GSK3B: variants seen among roughly 807,000 people sequenced by gnomAD.
The protein encoded by GSK3B is glycogen synthase kinase-3 beta.
Under a neutral mutation model 56.4 loss-of-function variants are expected in GSK3B, and 15 were observed. The ratio of observed to expected loss-of-function variants is 0.27; its 90% CI spans 0.18 to 0.41. The LOEUF is 0.41. Among genes scored for constraint, GSK3B ranks in the 10% least tolerant of loss-of-function variants. The pLI, the probability that GSK3B is intolerant of heterozygous loss-of-function variation, is 1.00. For missense variants in GSK3B, 300 were observed against 513.4 expected (o/e 0.58, Z 4.02); for synonymous variants, 181 against 188.9 (o/e 0.96, Z 0.34).
At chr3:120,050,312 G>A (rs1479471375) in intron 1 of GSK3B, among the ~76,000 whole-genome samples, 3 of 152,166 alleles carry the variant, frequency 2.0e-5, no homozygotes, top group South Asian at 2.1e-4. Flanking sequence ...ATTGATGATC[G>A]AAACAAGTTT....
chr3:119,993,006 G>C (rs1391473471), intron 2 of GSK3B, among the ~76,000 whole-genome samples: 1 of 151,626 alleles, frequency 6.6e-6, no homozygotes, highest in East Asian at 1.9e-4. Context: ...CCTTTATGGA[G>C]GGGCATTTAG....
At chr3:119,896,406 A>C (rs952069919) in intron 7 of GSK3B, among the ~76,000 whole-genome samples, 2 of 152,078 alleles carry the variant, frequency 1.3e-5, no homozygotes, top group Non-Finnish European at 2.9e-5. Context: ...GGGGTATATG[A>C]ATCTCTTGGA....
At chr3:119,863,942 C>T (rs1056255876) in intron 8 of GSK3B, among the ~76,000 whole-genome samples, 1 of 152,164 alleles carries the variant, frequency 6.6e-6, no homozygotes, top group Admixed American at 6.6e-5. Context: ...AAAGTTTTCA[C>T]TGCTATGGCA....
chr3:119,893,573 T>C lies in GSK3B; in HGVS notation c.813+12182A>G, dbSNP rs571726445. Reference sequence around the variant, plus strand: ...TTTTCAGAGCAGCAAGCTGTCACATTATTTGAGCACAAGTAAACAATTTGG... The same window carrying C: ...TTTTCAGAGCAGCAAGCTGTCACATCATTTGAGCACAAGTAAACAATTTGG... On this transcript the variant is annotated intron_variant, in intron 7 of 10. Transcript: ENST00000264235. 2.1e-4 allele frequency among the ~76,000 whole-genome samples: 32 copies of C among 152,260 alleles called. No individual in the cohort carries two copies. In the South Asian group the frequency reaches 6.4e-3, roughly 31 times the overall value.
intron 10 of GSK3B, among the ~76,000 whole-genome samples, chr3:119,837,803 T>C (rs1327052015): frequency 6.6e-6 from 1 of 150,632 alleles, no homozygotes; most frequent in Non-Finnish European, 1.5e-5. Flanking sequence ...ATGTTCCAGA[T>C]GAATGGTCTC....
intron 10 of GSK3B, among the ~76,000 whole-genome samples, chr3:119,839,427 T>C (rs1309432553): frequency 6.6e-6 from 1 of 152,124 alleles, no homozygotes; most frequent in African/African-American, 2.4e-5. Flanking sequence ...TCTACACAAA[T>C]GTCAGAAAAC....
At chr3:120,073,639 A>G (rs1220773704) in intron 1 of GSK3B, among the ~76,000 whole-genome samples, 1 of 152,126 alleles carries the variant, frequency 6.6e-6, no homozygotes, top group East Asian at 1.9e-4. Flanking sequence ...ACCCTAAAAA[A>G]CCTTAATTCT....
intron 1 of GSK3B, among the ~76,000 whole-genome samples, chr3:120,042,309 A>T (rs968863938): frequency 1.1e-4 from 16 of 152,160 alleles, no homozygotes; most frequent in African/African-American, 3.9e-4. Context: ...CTCAGAATAA[A>T]AATAGATATT....
rs543347233 is a variant in GSK3B at position 119,828,609 on chromosome 3, C to T, written c.1196-1754G>A. Among the ~76,000 whole-genome samples, 12 of 152,280 alleles carry T rather than the reference C, an allele frequency of 7.9e-5. No individual in the cohort carries two copies. In the East Asian group the frequency reaches 2.3e-3, roughly 29 times the overall value. On this transcript the variant is annotated intron_variant, in intron 10 of 10. Transcript: ENST00000264235. ...TAACCAATGTCATGGTTGAATGCAA[C>T]GTTTGGTCCTGGATCTTTCTACTTT...
At chr3:119,878,751 A>G (rs1006336905) in intron 7 of GSK3B, among the ~76,000 whole-genome samples, 1 of 152,212 alleles carries the variant, frequency 6.6e-6, no homozygotes, top group Admixed American at 6.5e-5. Context: ...GCCATACAGT[A>G]AAACATTACT....
intron 1 of GSK3B, among the ~76,000 whole-genome samples, chr3:120,015,649 CAAAAAAAAAA>C (rs61520236): frequency 2.1e-5 from 1 of 46,948 alleles, no homozygotes; most frequent in African/African-American, 6.9e-5. Context: ...GACTCTGTCT[CAAAAAAAAAA>C]AAAAAAAAAA....
intron 1 of GSK3B, among the ~76,000 whole-genome samples, chr3:120,019,737 C>G (rs1358197874): frequency 6.6e-6 from 1 of 152,218 alleles, no homozygotes; most frequent in Non-Finnish European, 1.5e-5. Flanking sequence ...CTGCCAGACT[C>G]CCGCAAGTCT....
intron 1 of GSK3B, among the ~76,000 whole-genome samples, chr3:120,018,756 G>GT (rs1363450720): frequency 2.0e-5 from 3 of 152,118 alleles, no homozygotes; most frequent in African/African-American, 7.2e-5. Context: ...ATATAAAACT[G>GT]TGTCATTTTG....
intron 1 of GSK3B, among the ~76,000 whole-genome samples, chr3:120,011,145 GT>G (rs1300862647): frequency 3.3e-5 from 5 of 152,120 alleles, no homozygotes; most frequent in Admixed American, 6.5e-5. Context: ...ACTGTCTGGG[GT>G]CCAACCAAAA....
intron 2 of GSK3B, among the ~76,000 whole-genome samples, chr3:119,996,630 C>T (rs1049101522): frequency 2.0e-5 from 3 of 151,606 alleles, no homozygotes; most frequent in African/African-American, 7.3e-5. Flanking sequence ...AAGGGTCTCA[C>T]TGTTTATTAA....
chr3:119,970,313 T>C (rs988088661), intron 2 of GSK3B, among the ~76,000 whole-genome samples: 7 of 152,028 alleles, frequency 4.6e-5, no homozygotes, highest in Admixed American at 2.0e-4. Context: ...CCAAAGACAA[T>C]ATACGGATGG....
intron 3 of GSK3B, among the ~76,000 whole-genome samples, chr3:119,940,110 T>TTGTGTGTGTGTG (rs56939160): frequency 4.7e-5 from 7 of 149,050 alleles, no homozygotes; most frequent in African/African-American, 1.7e-4. Flanking sequence ...GTGTGTGTGT[T>TTGTGTGTGTGTG]TGTGTGTGTG....
At chr3:119,982,180 G>A (rs2057469732) in intron 2 of GSK3B, among the ~76,000 whole-genome samples, 1 of 150,590 alleles carries the variant, frequency 6.6e-6, no homozygotes, top group Admixed American at 6.6e-5. Context: ...TCAACAAAAA[G>A]GACATCTACA....
At chr3:119,852,326 C>T (rs2055941431) in intron 9 of GSK3B, among the ~76,000 whole-genome samples, 2 of 151,708 alleles carry the variant, frequency 1.3e-5, no homozygotes, top group Non-Finnish European at 2.9e-5. Context: ...TAGTGATGTA[C>T]TTGAAAATCT....
Sources: allele counts gnomAD v4.1 joint callset (sites outside exome capture counted in the v4.1 genomes callset), GRCh38; gene constraint gnomAD v4.1.1; transcripts MANE v1.5; gene names NCBI Gene and HGNC (gene_info 2026-07-23, HGNC 2026-07-21).